The following COLEC11 variants were observed in gnomAD, a reference collection of about 807,000 sequenced individuals.
COLEC11 encodes collectin subfamily member 11.
A neutral mutation model predicts 27.3 loss-of-function variants in COLEC11; 20 were observed. The ratio of observed to expected loss-of-function variants is 0.73; its 90% CI spans 0.51 to 1.06. The LOEUF (loss-of-function observed/expected upper bound fraction) is 1.06, where lower values mean the gene tolerates loss of function less well. COLEC11 is among the 50% of genes least tolerant of loss of function. The probability of loss-of-function intolerance (pLI) is 0.00; values close to 1 mark genes in which losing one functional copy is unlikely to be tolerated. For synonymous variants in COLEC11, 163 were observed against 154.7 expected, an observed-to-expected ratio of 1.05 and a Z score of -0.40; for missense variants, 310 against 383.0, an observed-to-expected ratio of 0.81 and a Z score of 1.59.
intron 3 of COLEC11, among the ~76,000 whole-genome samples, chr2:3,635,371 G>T (rs1271975989): frequency 2.0e-5 from 3 of 152,104 alleles, no homozygotes; most frequent in African/African-American, 7.2e-5. Flanking sequence ...TCTGCCCTTG[G>T]TCTCCTTTTG....
Position 3,595,144 on chromosome 2 carries a change from C to T in COLEC11, c.-51C>T. 1.1e-5 allele frequency: 4 copies of T among 351,492 alleles called. No homozygotes were observed. The highest frequency in any genetic ancestry group is 8.3e-5 in the South Asian group (4 of 48,410). 21.8% of individuals were successfully genotyped at this position (351,492 alleles called of 1,614,324 possible). The stretch of plus-strand genomic sequence containing the variant: ...TCGCGGGCCAGCGACGGGCAGGACG[C>T]CCCGTTCGCCTAGCGCGTGCTCAGG... On this transcript the variant is annotated 5_prime_UTR_variant, in exon 1 of 7. Coordinates refer to ENST00000349077, the MANE Select transcript of COLEC11 (RefSeq NM_024027.5).
intron 2 of COLEC11, among the ~76,000 whole-genome samples, chr2:3,612,053 C>T (rs1001435477): frequency 2.2e-4 from 32 of 146,566 alleles, no homozygotes; most frequent in African/African-American, 7.9e-4. Context: ...TCTCTTGCCT[C>T]GGCACCTGGA....
At chr2:3,620,854 C>T (rs1166274449) in intron 3 of COLEC11, among the ~76,000 whole-genome samples, 1 of 152,168 alleles carries the variant, frequency 6.6e-6, no homozygotes, top group East Asian at 1.9e-4. Flanking sequence ...TTTTCCTCCT[C>T]TTGCTGATTC....
chr2:3,623,383 T>C (rs1213127024), intron 3 of COLEC11, among the ~76,000 whole-genome samples: 1 of 152,194 alleles, frequency 6.6e-6, no homozygotes, highest in Non-Finnish European at 1.5e-5. Context: ...AGCTTTCTAT[T>C]AGCTTCTCTC....
intron 2 of COLEC11, chr2:3,605,730 A>G (rs1361594159): frequency 4.6e-6 from 1 of 215,932 alleles, no homozygotes; most frequent in Non-Finnish European, 9.4e-6. Context: ...ACATTAGAGA[A>G]AAGTAGATTC....
intron 2 of COLEC11, among the ~76,000 whole-genome samples, chr2:3,607,669 G>A (rs1005115458): frequency 1.3e-5 from 2 of 151,970 alleles, no homozygotes; most frequent in East Asian, 1.9e-4. Context: ...GGCTGGTCTC[G>A]AACTCCTGAC....
chr2:3,636,225 G>A (rs1417064050), intron 3 of COLEC11, among the ~76,000 whole-genome samples: 1 of 152,188 alleles, frequency 6.6e-6, no homozygotes, highest in Non-Finnish European at 1.5e-5. Flanking sequence ...GGGAGGCCGA[G>A]GTGGATGGAT....
Position 3,644,531 on chromosome 2 carries a change from C to G in COLEC11, c.*413C>G, listed in dbSNP as rs1666128036. On this transcript the variant is annotated 3_prime_UTR_variant, in exon 7 of 7. Coordinates refer to ENST00000349077, the MANE Select transcript of COLEC11 (RefSeq NM_024027.5). ...AAAGAACTCACTTTGACCAACACTT[C>G]TGTAAATTACATTACAATATAGGTT... is the stretch of plus-strand genomic sequence containing the variant. 1 of 456,128 alleles carries G rather than the reference C, an allele frequency of 2.2e-6. No individual in the cohort carries two copies. Among genetic ancestry groups the G allele is most frequent in the Non-Finnish European group, 4.3e-6 (1 of 230,324 alleles). 28.3% of individuals were successfully genotyped at this position (456,128 alleles called of 1,614,324 possible).
At chr2:3,619,118 C>G (rs1379745003) in intron 3 of COLEC11, among the ~76,000 whole-genome samples, 1 of 152,142 alleles carries the variant, frequency 6.6e-6, no homozygotes, top group Non-Finnish European at 1.5e-5. Flanking sequence ...ACAGAGCCAG[C>G]TTTACCTCTC....
intron 3 of COLEC11, among the ~76,000 whole-genome samples, chr2:3,628,551 G>T (rs371068294): frequency 6.6e-6 from 1 of 152,234 alleles, no homozygotes; most frequent in Non-Finnish European, 1.5e-5. Context: ...AGTGGGGGCT[G>T]CCCTGAACAG....
chr2:3,611,148 A>G (rs1241873968), intron 2 of COLEC11, among the ~76,000 whole-genome samples: 1 of 152,228 alleles, frequency 6.6e-6, no homozygotes, highest in Non-Finnish European at 1.5e-5. Context: ...TGTCAGAGCG[A>G]CATTGGCATT....
chr2:3,628,833 A>G (rs546915246), intron 3 of COLEC11, among the ~76,000 whole-genome samples: 2 of 152,234 alleles, frequency 1.3e-5, no homozygotes, highest in Non-Finnish European at 2.9e-5. Flanking sequence ...CTCAATCCTC[A>G]TGCGTGTCCA....
In COLEC11 at chr2:3,644,012, A is replaced by G; in HGVS notation, c.710A>G (p.Tyr237Cys). The change falls in exon 7 of 7, where the codon TAC (tyrosine) becomes TGC (cysteine). Residue 237 changes from tyrosine to cysteine, a missense_variant. Tyr to Cys is a radical substitution (Grantham distance 194, BLOSUM62 -2). Coordinates refer to ENST00000349077, the MANE Select transcript of COLEC11 (RefSeq NM_024027.5). ...CGCAGCGGTGAGCCCAACAATGCCT[A>G]CGACGAGGAGGACTGCGTGGAGATG... ...KWRSGEPNNAYDEEDCVEMVA... is the reference protein window; with the variant it reads ...KWRSGEPNNACDEEDCVEMVA... 1.9e-6 allele frequency: 3 copies of G among 1,614,050 alleles called. No individual in the cohort carries two copies. Among genetic ancestry groups the G allele is most frequent in the Non-Finnish European group, 2.5e-6 (3 of 1,180,052 alleles).
At chr2:3,605,535 G>A (rs1230059124) in intron 2 of COLEC11, among the ~76,000 whole-genome samples, 1 of 42,438 alleles carries the variant, frequency 2.4e-5, no homozygotes, top group Non-Finnish European at 5.8e-5. Context: ...GGGGAGTCAC[G>A]TGGTTGATGA....
rs776083110 is a variant in COLEC11, at chr2:3,613,402, G to A, written c.202+20G>A. 13 of 1,571,780 alleles carry A rather than the reference G, an allele frequency of 8.3e-6. No individual in the cohort carries two copies. Among genetic ancestry groups the A allele is most frequent in the Middle Eastern group, 1.7e-4 (1 of 5,938 alleles). On this transcript the variant is annotated intron_variant, in intron 3 of 6. Transcript: ENST00000349077. ...AAAAAGGTACCTGCAGCCCTGGGCC[G>A]GCCCTCAGAGCTCTGAGGATGGAGG...
intron 3 of COLEC11, among the ~76,000 whole-genome samples, chr2:3,621,624 T>C (rs1264153065): frequency 6.6e-6 from 1 of 152,228 alleles, no homozygotes; most frequent in Admixed American, 6.5e-5. Context: ...TCCTTCTTCC[T>C]CTCTTGCTGT....
chr2:3,641,162 C>T (rs1180973612), intron 5 of COLEC11: 5 of 1,258,498 alleles, frequency 4.0e-6, no homozygotes, highest in African/African-American at 1.5e-5. Flanking sequence ...AGGTGCTTTC[C>T]GAGAAGGATC....
chr2:3,638,997 C>G (rs1665650378), intron 4 of COLEC11, among the ~76,000 whole-genome samples: 1 of 152,200 alleles, frequency 6.6e-6, no homozygotes. Flanking sequence ...CCGGTAACCT[C>G]CAATCTACTT....
chr2:3,611,291 G>A (rs951136066), intron 2 of COLEC11, among the ~76,000 whole-genome samples: 9 of 152,200 alleles, frequency 5.9e-5, no homozygotes, highest in African/African-American at 2.2e-4. Flanking sequence ...TTCATCCTGG[G>A]TCACCGGGGA....
Sources: allele counts gnomAD v4.1 joint callset (sites outside exome capture counted in the v4.1 genomes callset), GRCh38; gene constraint gnomAD v4.1.1; transcripts MANE v1.5; gene names NCBI Gene and HGNC (gene_info 2026-07-23, HGNC 2026-07-21).